Variants in MERTK observed in about 807,000 individuals in gnomAD.
MERTK encodes MER proto-oncogene, tyrosine kinase.
MERTK carries 69 observed loss-of-function variants against 99.3 expected under a neutral mutation model. That is an observed-to-expected ratio of 0.70 (90% CI 0.57 to 0.85). The LOEUF is 0.85. MERTK is among the 40% of genes least tolerant of loss of function. The pLI is 0.00. For synonymous variants in MERTK, 426 were observed against 467.6 expected (o/e 0.91, Z 1.15); for missense variants, 1,125 against 1,249.4 (o/e 0.90, Z 1.50).
intron 2 of MERTK, among the ~76,000 whole-genome samples, chr2:111,936,615 T>G (rs1261814989): frequency 6.6e-6 from 1 of 152,170 alleles, no homozygotes; most frequent in East Asian, 1.9e-4. Context: ...CTTTGATTAA[T>G]AGGTGTAGAA....
At chr2:111,943,949 C>G (rs1684910009) in intron 2 of MERTK, among the ~76,000 whole-genome samples, 1 of 152,112 alleles carries the variant, frequency 6.6e-6, no homozygotes. Context: ...TCCAAAATGC[C>G]TTGAGGGGGC....
At chr2:112,001,083 G>A (rs950222246) in intron 10 of MERTK, 118 bp from the exon 11 acceptor site, 9 of 773,796 alleles carry the variant, frequency 1.2e-5, no homozygotes, top group Admixed American at 2.1e-5. Context: ...TAGGGGGAAA[G>A]CTTTTGTTGT....
intron 7 of MERTK, among the ~76,000 whole-genome samples, chr2:111,980,953 T>A (rs1676360846): frequency 6.6e-6 from 1 of 152,198 alleles, no homozygotes; most frequent in Non-Finnish European, 1.5e-5. Context: ...AAATTCTTTA[T>A]TGCCATCATA....
At chr2:111,998,590 T>C (rs190787954) in intron 10 of MERTK, among the ~76,000 whole-genome samples, 199 of 152,218 alleles carry the variant, frequency 1.3e-3, no homozygotes, top group African/African-American at 4.7e-3. Flanking sequence ...TCAGAAAAAT[T>C]TGGCTGCATT....
intron 15 of MERTK, among the ~76,000 whole-genome samples, chr2:112,013,084 G>A (rs1312125071): frequency 2.0e-5 from 3 of 151,880 alleles, no homozygotes; most frequent in Non-Finnish European, 4.4e-5. Context: ...TAAGTGATCA[G>A]GACAGGAGAG....
intron 18 of MERTK, among the ~76,000 whole-genome samples, chr2:112,024,159 C>A (rs1220367937): frequency 6.6e-6 from 1 of 152,130 alleles, no homozygotes; most frequent in Non-Finnish European, 1.5e-5. Context: ...TTTAAAAGTG[C>A]CATGTTTATG....
chr2:111,996,816 A>G (rs766070581), intron 9 of MERTK: 49 of 179,672 alleles, frequency 2.7e-4, no homozygotes, highest in Non-Finnish European at 5.4e-4. Flanking sequence ...GAATGTGACA[A>G]TTCTTCAAAA....
rs1212914759 is a variant in MERTK at position 112,029,280 on chromosome 2, A to G, written c.*416A>G. The G allele has an allele frequency of 1.4e-5, 14 of 969,736 alleles. No homozygotes were observed. Among genetic ancestry groups the G allele is most frequent in the Non-Finnish European group, 1.5e-5 (12 of 811,160 alleles). The allele number at this position is 969,736 out of a possible 1,614,324, so 60.1% of individuals were successfully genotyped here. A position where few individuals can be genotyped will look rare whatever the true frequency, so the allele number is the denominator to read the frequency against. On this transcript the variant is annotated 3_prime_UTR_variant, in exon 19 of 19. Transcript: ENST00000295408. Reference sequence around the variant, plus strand: ...TTGACTTGGCTTCTGGTCTTGATGTATTTGATAAGAATGATTCATTCAATG... The same window carrying G: ...TTGACTTGGCTTCTGGTCTTGATGTGTTTGATAAGAATGATTCATTCAATG...
At chr2:111,940,618 A>G in intron 2 of MERTK, 1 of 664,072 alleles carries the variant, frequency 1.5e-6, no homozygotes, top group South Asian at 1.4e-5. Context: ...AACCTGAAGC[A>G]GGTTAGCCAA....
chr2:111,997,484 T>G lies in MERTK; in HGVS notation c.1604+8T>G. The stretch of plus-strand genomic sequence containing the variant: ...CCAGGAGACAAAGTTTGGGTAAGTC[T>G]CCCAGCTAAAAATGTTTGCCCACTG... On this transcript the variant is annotated splice_region_variant and intron_variant, in intron 10 of 18. Coordinates refer to ENST00000295408, the MANE Select transcript of MERTK (RefSeq NM_006343.3). The G allele has an allele frequency of 6.2e-7, 1 of 1,613,060 alleles. No individual in the cohort carries two copies. The highest frequency in any genetic ancestry group is 8.5e-7 in the Non-Finnish European group (1 of 1,179,984).
intron 15 of MERTK, chr2:112,015,735 C>T (rs1479677936): frequency 6.5e-6 from 1 of 153,490 alleles, no homozygotes; most frequent in Non-Finnish European, 1.5e-5. Flanking sequence ...TGTCTAAGAA[C>T]TCTTTGCCTA....
At chr2:111,903,150 T>C (rs1684076937) in intron 1 of MERTK, among the ~76,000 whole-genome samples, 1 of 152,190 alleles carries the variant, frequency 6.6e-6, no homozygotes, top group Admixed American at 6.5e-5. Flanking sequence ...GCAGGGCTGC[T>C]GTCTTTTTCA....
intron 1 of MERTK, among the ~76,000 whole-genome samples, chr2:111,910,840 A>G (rs1684233884): frequency 1.3e-5 from 2 of 152,092 alleles, no homozygotes; most frequent in Non-Finnish European, 2.9e-5. Flanking sequence ...CCTGGAAAGG[A>G]TAGGAGGAAG....
intron 18 of MERTK, among the ~76,000 whole-genome samples, chr2:112,027,415 A>G (rs1181364592): frequency 6.6e-6 from 1 of 152,076 alleles, no homozygotes; most frequent in African/African-American, 2.4e-5. Flanking sequence ...AACATTTTTA[A>G]TGAAATGATG....
chr2:111,992,153 C>T (rs1193789598), intron 8 of MERTK, among the ~76,000 whole-genome samples: 1 of 152,138 alleles, frequency 6.6e-6, no homozygotes, highest in East Asian at 1.9e-4. Context: ...GAGGAAGGAG[C>T]CACGCACAGA....
At chr2:111,907,278 G>A (rs879706351) in intron 1 of MERTK, among the ~76,000 whole-genome samples, 2 of 152,196 alleles carry the variant, frequency 1.3e-5, no homozygotes, top group Non-Finnish European at 2.9e-5. Context: ...GCCAGGCGTG[G>A]TGGCGCATGC....
chr2:111,962,722 C>G (rs1384840589), intron 4 of MERTK, among the ~76,000 whole-genome samples: 1 of 152,058 alleles, frequency 6.6e-6, no homozygotes, highest in Admixed American at 6.5e-5. Context: ...ACCTCCTGTC[C>G]TTTTTCTGTC....
At chr2:111,942,540 C>G (rs924424148) in intron 2 of MERTK, among the ~76,000 whole-genome samples, 1 of 152,146 alleles carries the variant, frequency 6.6e-6, no homozygotes, top group Admixed American at 6.5e-5. Flanking sequence ...AGATATTTGT[C>G]CTGTGTATTC....
chr2:111,936,664 G>C (rs1282035194), intron 2 of MERTK, among the ~76,000 whole-genome samples: 3 of 152,298 alleles, frequency 2.0e-5, no homozygotes, highest in South Asian at 4.1e-4. Flanking sequence ...TCCCTCGAGA[G>C]CATTCACCTG....
Sources: allele counts gnomAD v4.1 joint callset (sites outside exome capture counted in the v4.1 genomes callset), GRCh38; gene constraint gnomAD v4.1.1; transcripts MANE v1.5; gene names NCBI Gene and HGNC (gene_info 2026-07-23, HGNC 2026-07-21).